Variants in CHST12 observed in about 807,000 individuals in gnomAD.
CHST12 encodes the protein carbohydrate sulfotransferase 12, also known as carbohydrate (chondroitin 4) sulfotransferase 12.
CHST12 carries 23 observed loss-of-function variants against 27.9 expected under a neutral mutation model. That is an observed-to-expected ratio of 0.82 (90% CI 0.59 to 1.17). The LOEUF (loss-of-function observed/expected upper bound fraction) is 1.17, where lower values mean the gene tolerates loss of function less well. CHST12 is among the 50% of genes most tolerant of loss of function. CHST12 has a pLI of 0.00. For synonymous variants in CHST12, 322 were observed against 273.0 expected (o/e 1.18, Z -1.77); for missense variants, 682 against 603.0 (o/e 1.13, Z -1.37).
At chr7:2,405,580 TG>T (rs1353184649) in intron 1 of CHST12, among the ~76,000 whole-genome samples, 1 of 150,900 alleles carries the variant, frequency 6.6e-6, no homozygotes, top group Non-Finnish European at 1.5e-5. Context: ...ATATGGGAGG[TG>T]GGTTTTGCCT....
chr7:2,431,749 G>A (rs1022997649), intron 1 of CHST12, among the ~76,000 whole-genome samples: 24 of 152,222 alleles, frequency 1.6e-4, no homozygotes, highest in African/African-American at 5.3e-4. Flanking sequence ...TGGAAGGTCA[G>A]CTCTCAGGGT....
intron 1 of CHST12, among the ~76,000 whole-genome samples, chr7:2,419,310 A>C (rs1781899731): frequency 6.8e-6 from 1 of 147,110 alleles, no homozygotes. Flanking sequence ...CAGGAGGCTG[A>C]GGTGGGAGGA....
At chr7:2,430,920 T>A (rs775652185) in intron 1 of CHST12, among the ~76,000 whole-genome samples, 20 of 152,180 alleles carry the variant, frequency 1.3e-4, no homozygotes, top group Non-Finnish European at 2.4e-4. Context: ...AGCTGAGGTT[T>A]GGTCTACCAT....
rs142530280 is a variant in CHST12 at position 2,408,964 on chromosome 7, A to T, written c.-78+5291A>T. On this transcript the variant is annotated intron_variant, in intron 1 of 1. Coordinates refer to ENST00000618655, the MANE Select transcript of CHST12 (RefSeq NM_018641.5). ...ACACCTGACATGCTGCAGCATCTGG[A>T]GAGGAGTTGATACAGTTGGCAGAGT... 1.1e-4 allele frequency among the ~76,000 whole-genome samples: 17 copies of T among 152,326 alleles called. No individual in the cohort carries two copies. In the East Asian group the frequency reaches 3.3e-3, roughly 29 times the overall value.
At position 2,447,290 on chromosome 7, in the gene CHST12, C is replaced by T. The variant is rs1782779815; in HGVS notation, c.*13406C>T. On this transcript the variant is annotated 3_prime_UTR_variant, in exon 2 of 2. Coordinates refer to ENST00000618655, the MANE Select transcript of CHST12 (RefSeq NM_018641.5). Reference sequence around the variant, plus strand: ...CCACTGGCTTCCTCCAAAGCCTCCTCCTCTTACATCAGCAAACCTTCTGTT... The same window carrying T: ...CCACTGGCTTCCTCCAAAGCCTCCTTCTCTTACATCAGCAAACCTTCTGTT... 3 of 152,322 alleles carry T rather than the reference C, an allele frequency of 2.0e-5. No homozygotes were observed. The highest frequency in any genetic ancestry group is 7.2e-5 in the African/African-American group (3 of 41,470). 9.4% of individuals were successfully genotyped at this position (152,322 alleles called of 1,614,324 possible).
At chr7:2,417,247 C>T (rs1562512367) in intron 1 of CHST12, among the ~76,000 whole-genome samples, 2 of 148,088 alleles carry the variant, frequency 1.4e-5, no homozygotes, top group Admixed American at 1.4e-4. Flanking sequence ...TTTTTTGAGG[C>T]AGAGTCTTGC....
At chr7:2,419,968 CTTTTTTTTT>C (rs869252983) in intron 1 of CHST12, among the ~76,000 whole-genome samples, 3 of 81,386 alleles carry the variant, frequency 3.7e-5, no homozygotes, top group African/African-American at 9.9e-5. Flanking sequence ...AAATATTTGT[CTTTTTTTTT>C]TTTTTTTTTT....
intron 1 of CHST12, among the ~76,000 whole-genome samples, chr7:2,425,008 C>T (rs1007541215): frequency 3.9e-5 from 6 of 152,200 alleles, no homozygotes; most frequent in Non-Finnish European, 8.8e-5. Context: ...GAGTTCAAGA[C>T]CAGCCTGGCC....
Position 2,418,494 on chromosome 7 carries a change from G to A in CHST12, c.-77-14069G>A, listed in dbSNP as rs10245377. ...GTCTGTTCATCTGAGATGCCTCTGC[G>A]TGCTCTGCTTCAAATCACAGGGGGC... On this transcript the variant is annotated intron_variant, in intron 1 of 1. Coordinates refer to ENST00000618655, the MANE Select transcript of CHST12 (RefSeq NM_018641.5). Among the ~76,000 whole-genome samples the A allele has an allele frequency of 2.0e-5, 3 of 152,128 alleles. No individual in the cohort carries two copies. In the East Asian group the frequency reaches 5.8e-4, roughly 29 times the overall value.
In CHST12 at chr7:2,418,442, G is replaced by A. The variant is rs371800091; in HGVS notation, c.-77-14121G>A. 1.2e-4 allele frequency among the ~76,000 whole-genome samples: 19 copies of A among 152,354 alleles called. No individual in the cohort carries two copies. In the East Asian group the frequency reaches 2.7e-3, roughly 22 times the overall value. On this transcript the variant is annotated intron_variant, in intron 1 of 1. Transcript: ENST00000618655. ...TCCCTTGCTGGAGGCAGCAGCCCAC[G>A]GTTGGTGTGCCGCAGGCGGGTTATA...
chr7:2,429,327 C>G (rs1326453146), intron 1 of CHST12, among the ~76,000 whole-genome samples: 1 of 152,182 alleles, frequency 6.6e-6, no homozygotes, highest in Non-Finnish European at 1.5e-5. Flanking sequence ...CCTCCTGCCT[C>G]AGCCTACCAA....
intron 1 of CHST12, among the ~76,000 whole-genome samples, chr7:2,425,983 G>C (rs1267877125): frequency 6.6e-6 from 1 of 152,102 alleles, no homozygotes. Context: ...AAGGCAGTAA[G>C]CTGGAGGGAG....
rs145596881 is a variant in CHST12, at chr7:2,440,330, G to GGT, written c.*6456_*6457dup. 1,205 of 154,646 alleles carry GGT rather than the reference G, an allele frequency of 7.8e-3. 24 individuals are homozygous for GGT. The highest frequency in any genetic ancestry group is 0.036 in the Admixed American group (555 of 15,300). The allele number at this position is 154,646 out of a possible 1,614,324, so 9.6% of individuals were successfully genotyped here. On this transcript the variant is annotated 3_prime_UTR_variant, in exon 2 of 2. Coordinates refer to ENST00000618655, the MANE Select transcript of CHST12 (RefSeq NM_018641.5). Reference sequence around the variant, plus strand: ...TGAAGTACTGGCTAGAAGCTGGCGGGGTGTGTGTGTGCAGGTGTGCGAGTG... The same window carrying GGT: ...TGAAGTACTGGCTAGAAGCTGGCGGGGTGTGTGTGTGTGCAGGTGTGCGAGTG...
rs1479275295 is a variant in CHST12 at position 2,442,427 on chromosome 7, C to T, written c.*8543C>T. On this transcript the variant is annotated 3_prime_UTR_variant, in exon 2 of 2. Transcript: ENST00000618655. ...CTCCCAGGCTGGAGTGCGGTGGCAC[C>T]ATCTCAGCTCACTGCAAGCTCCGCC... 1 of 152,106 alleles carries T rather than the reference C, an allele frequency of 6.6e-6. No homozygotes were observed. Among genetic ancestry groups the T allele is most frequent in the Non-Finnish European group, 1.5e-5 (1 of 68,054 alleles). 9.4% of individuals were successfully genotyped at this position (152,106 alleles called of 1,614,324 possible). A position where few individuals can be genotyped will look rare whatever the true frequency, so the allele number is the denominator to read the frequency against.
At position 2,440,405 on chromosome 7, in the gene CHST12, A is replaced by ATG. The variant is rs57469668; in HGVS notation, c.*6537_*6538dup. ...TGAGTCTGCACTTGTGTGCAAGAGA[A>ATG]TGTGTGTGTGTGTGTGTTTGGAGAT... On this transcript the variant is annotated 3_prime_UTR_variant, in exon 2 of 2. Transcript: ENST00000618655. The ATG allele has an allele frequency of 6.4e-3, 965 of 150,594 alleles. 4 individuals are homozygous for ATG. Among genetic ancestry groups the ATG allele is most frequent in the African/African-American group, 0.016 (630 of 39,066 alleles). 9.3% of individuals were successfully genotyped at this position (150,594 alleles called of 1,614,324 possible). A position where few individuals can be genotyped will look rare whatever the true frequency, so the allele number is the denominator to read the frequency against.
rs1373298991 is a variant in CHST12 at position 2,434,135 on chromosome 7, C to T, written c.*251C>T. 2.4e-5 allele frequency: 8 copies of T among 340,024 alleles called. No individual in the cohort carries two copies. The highest frequency in any genetic ancestry group is 1.4e-4 in the Admixed American group (3 of 21,942). The allele number at this position is 340,024 out of a possible 1,614,324, so 21.1% of individuals were successfully genotyped here. Reference sequence around the variant, plus strand: ...CCACCCGCCCGCCCGCTCGCCCGCTCGCCCGCTCCTGTGGTTTTTCTGAGC... The same window carrying T: ...CCACCCGCCCGCCCGCTCGCCCGCTTGCCCGCTCCTGTGGTTTTTCTGAGC... On this transcript the variant is annotated 3_prime_UTR_variant, in exon 2 of 2. Coordinates refer to ENST00000618655, the MANE Select transcript of CHST12 (RefSeq NM_018641.5).
intron 1 of CHST12, among the ~76,000 whole-genome samples, chr7:2,412,749 T>C (rs916372511): frequency 6.6e-6 from 1 of 152,236 alleles, no homozygotes. Flanking sequence ...CTATGTAGAC[T>C]TGTGCAAGTC....
rs537445147 is a variant in CHST12, at chr7:2,408,844, C to T, written c.-78+5171C>T. ...AGAAGAACCTGCTGAAGGGAAATCC[C>T]AGCCAGGTGCTGGTGTGAAGAGCAG... is the stretch of plus-strand genomic sequence containing the variant. On this transcript the variant is annotated intron_variant, in intron 1 of 1. Coordinates refer to ENST00000618655, the MANE Select transcript of CHST12 (RefSeq NM_018641.5). 4.6e-5 allele frequency among the ~76,000 whole-genome samples: 7 copies of T among 152,276 alleles called. No individual in the cohort carries two copies. The South Asian group carries it at 1.5e-3, about 32-fold the overall frequency.
intron 1 of CHST12, among the ~76,000 whole-genome samples, chr7:2,409,622 A>C (rs1228088773): frequency 2.4e-5 from 1 of 41,976 alleles, no homozygotes; most frequent in Non-Finnish European, 4.2e-5. Context: ...ATCCTGTCTC[A>C]AAGAAAAAAA....
Sources: allele counts gnomAD v4.1 joint callset (sites outside exome capture counted in the v4.1 genomes callset), GRCh38; gene constraint gnomAD v4.1.1; transcripts MANE v1.5; gene names NCBI Gene and HGNC (gene_info 2026-07-23, HGNC 2026-07-21).